SASH1: variants seen among roughly 807,000 people sequenced by gnomAD.
SASH1 encodes SAM and SH3 domain-containing protein 1.
In SASH1, 44 loss-of-function variants were observed where a neutral mutation model predicts 125.2. The observed-to-expected ratio is 0.35, with a 90% CI of 0.28 to 0.45. The LOEUF is 0.45. SASH1 is among the 20% of genes least tolerant of loss of function. SASH1 has a pLI of 1.00. For synonymous variants in SASH1, 639 were observed against 649.1 expected, an observed-to-expected ratio of 0.98 and a Z score of 0.24; for missense variants, 1,426 against 1,614.5, an observed-to-expected ratio of 0.88 and a Z score of 2.00.
At position 148,395,014 on chromosome 6, in the gene SASH1, G is replaced by C. The variant is rs183604379; in HGVS notation, c.285+4752G>C. 4.0e-3 allele frequency among the ~76,000 whole-genome samples: 607 copies of C among 152,318 alleles called. 4 individuals carry two copies. Among genetic ancestry groups the C allele is most frequent in the Non-Finnish European group, 6.2e-3 (421 of 68,032 alleles). On this transcript the variant is annotated intron_variant, in intron 2 of 19. Coordinates refer to ENST00000367467, the MANE Select transcript of SASH1 (RefSeq NM_015278.5). ...AGATGGCTTTGAGATGAAATAACCT[G>C]TTAAAAGCAGAAGAGGAAATATGCA...
the SASH1 span, among the ~76,000 whole-genome samples, chr6:148,235,748 C>T: frequency 0.072 from 11,006 of 152,164 alleles, 445 homozygotes; most frequent in Non-Finnish European, 0.09. Context: ...AGAAGTCTTG[C>T]GAGTTAAGAC....
rs1281312131 is a variant in SASH1, at chr6:148,527,475, A to T, written c.1307A>T (p.Tyr436Phe). 3 of 1,606,576 alleles carry T rather than the reference A, an allele frequency of 1.9e-6. No individual in the cohort carries two copies. Among genetic ancestry groups the T allele is most frequent in the Non-Finnish European group, 1.7e-6 (2 of 1,177,988 alleles). ...CAGGGTAAAGAAGGAGACTTTGTGT[A>T]CAAAGAAGTCATCAAATCACCTACT... ...DPMGKEGDFV[Y>F]KEVIKSPTAS... Residue 436 changes from tyrosine to phenylalanine, a missense_variant, in exon 12 of 20, where the codon TAC becomes TTC. Tyr to Phe is a conservative substitution (Grantham distance 22). This residue lies in a region of SASH1 where 567 missense variants were observed against 575.6 expected (regional missense o/e 0.99). Transcript: ENST00000367467.
intron 2 of SASH1, among the ~76,000 whole-genome samples, chr6:148,399,475 G>A (rs1252988527): frequency 6.6e-6 from 1 of 151,874 alleles, no homozygotes; most frequent in Admixed American, 6.6e-5. Flanking sequence ...AGCCACCCGC[G>A]TCAGCCCCCC....
intron 2 of SASH1, among the ~76,000 whole-genome samples, chr6:148,423,358 GC>G (rs1438148106): frequency 6.6e-6 from 1 of 152,230 alleles, no homozygotes; most frequent in Non-Finnish European, 1.5e-5. Flanking sequence ...TGATTCTGGA[GC>G]TTTTTAAAGA....
chr6:148,431,700 C>T (rs1245120862), intron 2 of SASH1, among the ~76,000 whole-genome samples: 3 of 151,550 alleles, frequency 2.0e-5, no homozygotes, highest in African/African-American at 7.3e-5. Flanking sequence ...ACGGCTGGTT[C>T]GTCTGAGACA....
intron 9 of SASH1, among the ~76,000 whole-genome samples, chr6:148,515,845 A>G (rs141525283): frequency 1.9e-4 from 29 of 152,240 alleles, no homozygotes; most frequent in African/African-American, 6.7e-4. Context: ...TCTCATGAAC[A>G]CTCGGCCAAA....
At chr6:148,513,863 G>A in intron 8 of SASH1, 4 of 986,244 alleles carry the variant, frequency 4.1e-6, no homozygotes, top group Non-Finnish European at 4.8e-6. Context: ...TGATTTTCGG[G>A]GGAGGGCTGG....
intron 2 of SASH1, among the ~76,000 whole-genome samples, chr6:148,436,995 C>T (rs1454996321): frequency 8.5e-5 from 13 of 152,160 alleles, no homozygotes. Context: ...ATGAGGTTCA[C>T]AATGTTTACT....
In SASH1 at chr6:148,544,953, C is replaced by CCG. The variant is rs1583339547; in HGVS notation, c.3348+136_3348+137insGC. The CCG allele has an allele frequency of 1.3e-6, 1 of 751,600 alleles. No homozygotes were observed. Among genetic ancestry groups the CCG allele is most frequent in the East Asian group, 2.7e-5 (1 of 36,876 alleles). 46.6% of individuals were successfully genotyped at this position (751,600 alleles called of 1,614,324 possible). On this transcript the variant is annotated intron_variant, in intron 18 of 19. Coordinates refer to ENST00000367467, the MANE Select transcript of SASH1 (RefSeq NM_015278.5). The surrounding 1 kb of genome is among the most constrained non-coding windows in gnomAD (Gnocchi z 6.4). Reference sequence around the variant, plus strand: ...ACAGGAGACACCTGAATCCACGTGTCCACACCTTACTTGACATGCATGTGT... The same window carrying CCG: ...ACAGGAGACACCTGAATCCACGTGTCCGCACACCTTACTTGACATGCATGTGT...
chr6:148,230,303 A>G, the SASH1 span, among the ~76,000 whole-genome samples: 9 of 151,708 alleles, frequency 5.9e-5, no homozygotes, highest in Non-Finnish European at 1.3e-4. Context: ...TAATACGAAC[A>G]TTTGAATATT....
At chr6:148,287,701 G>C (rs1779520533) in intron 1 of SASH1, among the ~76,000 whole-genome samples, 1 of 78,466 alleles carries the variant, frequency 1.3e-5, no homozygotes, top group South Asian at 3.4e-4. Flanking sequence ...GTGTGGGGGG[G>C]TGGGGGGTGG....
intron 2 of SASH1, among the ~76,000 whole-genome samples, chr6:148,421,090 A>C (rs1044185283): frequency 5.4e-5 from 8 of 149,494 alleles, no homozygotes; most frequent in African/African-American, 2.0e-4. Flanking sequence ...TCTCCAAAAA[A>C]AGAAAAGAAA....
chr6:148,505,928 G>A (rs1463822097), intron 8 of SASH1, among the ~76,000 whole-genome samples: 1 of 151,534 alleles, frequency 6.6e-6, no homozygotes, highest in Non-Finnish European at 1.5e-5. Context: ...GAGCCACCGC[G>A]CCCAGCTAAT....
chr6:148,492,696 CTA>C (rs1231632110), intron 8 of SASH1, among the ~76,000 whole-genome samples: 1 of 152,070 alleles, frequency 6.6e-6, no homozygotes, highest in African/African-American at 2.4e-5. Context: ...TGGTCTGTGC[CTA>C]TAGTCCCAGC....
chr6:148,370,898 A>C (rs1782680196), intron 1 of SASH1, among the ~76,000 whole-genome samples: 1 of 152,204 alleles, frequency 6.6e-6, no homozygotes, highest in Non-Finnish European at 1.5e-5. Flanking sequence ...TTTTTCAAAA[A>C]TATGTACTGA....
At chr6:148,539,146 T>C (rs1295481870) in intron 16 of SASH1, among the ~76,000 whole-genome samples, 4 of 152,146 alleles carry the variant, frequency 2.6e-5, no homozygotes, top group Non-Finnish European at 5.9e-5. Flanking sequence ...CAAATAATGA[T>C]GCTTCTCTTT....
At chr6:148,389,235 T>C (rs1167336380) in intron 1 of SASH1, among the ~76,000 whole-genome samples, 1 of 152,226 alleles carries the variant, frequency 6.6e-6, no homozygotes, top group Non-Finnish European at 1.5e-5. Context: ...ACTCCAGTAG[T>C]CCTCACTGAA....
intron 1 of SASH1, among the ~76,000 whole-genome samples, chr6:148,298,675 AAGGAAGGAAGGAAGGAAGGAAGGAAGG>A (rs1779833484): frequency 3.2e-5 from 2 of 62,490 alleles, no homozygotes; most frequent in African/African-American, 1.3e-4. Context: ...GGGAGGAAGG[AAGGAAGGAAGGAAGGAAGGAAGGAAGG>A]AAGGAAGGAA....
chr6:148,532,150 T>C lies in SASH1; in HGVS notation c.1564+489T>C, dbSNP rs766537296. Among the ~76,000 whole-genome samples, 4 of 152,116 alleles carry C rather than the reference T, an allele frequency of 2.6e-5. No individual in the cohort carries two copies. Among genetic ancestry groups the C allele is most frequent in the Non-Finnish European group, 4.4e-5 (3 of 68,026 alleles). ...TGGAGTGCAGTGTTGTGATCTCAGC[T>C]CACTGCAACCTTCACCTCCCTGGCT... is the stretch of plus-strand genomic sequence containing the variant. On this transcript the variant is annotated intron_variant, in intron 13 of 19. Transcript: ENST00000367467. The surrounding 1 kb of genome is among the most constrained non-coding windows in gnomAD (Gnocchi z 4.7).
Sources: gnomAD v4.1 joint callset for allele counts (sites outside exome capture counted in the v4.1 genomes callset) on GRCh38, gnomAD v4.1.1 for gene constraint, gnomAD v4.1.1 regional missense constraint, Gnocchi (gnomAD v3.1) non-coding constraint, MANE v1.5 for transcripts, NCBI Gene and HGNC (gene_info 2026-07-23, HGNC 2026-07-21) for gene names.